OLA1: variants seen among roughly 807,000 people sequenced by gnomAD.
OLA1 encodes Obg like ATPase 1.
A neutral mutation model predicts 48.4 loss-of-function variants in OLA1; 14 were observed. The ratio of observed to expected loss-of-function variants is 0.29; its 90% CI spans 0.19 to 0.45. The LOEUF (loss-of-function observed/expected upper bound fraction) is 0.45, where lower values mean the gene tolerates loss of function less well. Ranked by LOEUF, OLA1 falls within the 20% of genes least tolerant of loss-of-function variation. OLA1 has a pLI of 1.00. For missense variants in OLA1, 325 were observed against 467.1 expected (o/e 0.70, Z 2.80); for synonymous variants, 127 against 150.4 (o/e 0.84, Z 1.14).
chr2:174,193,673 T>C (rs567946328), intron 4 of OLA1, among the ~76,000 whole-genome samples: 2 of 152,312 alleles, frequency 1.3e-5, no homozygotes, highest in East Asian at 1.9e-4. Flanking sequence ...TGTAGAAATA[T>C]CTTGTTTTTA....
intron 5 of OLA1, 64 bp from the exon 6 acceptor site, chr2:174,123,739 A>T: frequency 1.2e-6 from 1 of 809,608 alleles, no homozygotes; most frequent in Non-Finnish European, 1.8e-6. Context: ...ACTAAATATT[A>T]AAAAGTTTTC....
chr2:174,114,803 C>G (rs1171059928), intron 7 of OLA1, among the ~76,000 whole-genome samples: 1 of 152,124 alleles, frequency 6.6e-6, no homozygotes, highest in East Asian at 1.9e-4. Flanking sequence ...CATTCCTAAA[C>G]TAATATGCAG....
rs528829556 is a variant in OLA1, at chr2:174,184,309, T to C, written c.373+38724A>G. On this transcript the variant is annotated intron_variant, in intron 4 of 10. Coordinates refer to ENST00000284719, the MANE Select transcript of OLA1 (RefSeq NM_013341.5). ...AGGAAGATCACTAATGGCATGTAGT[T>C]ATCATGTACTCCAGGATATGATGTG... is the stretch of plus-strand genomic sequence containing the variant. 2.1e-4 allele frequency among the ~76,000 whole-genome samples: 32 copies of C among 152,324 alleles called. No individual in the cohort carries two copies. The South Asian group carries it at 6.4e-3, about 31-fold the overall frequency.
intron 4 of OLA1, among the ~76,000 whole-genome samples, chr2:174,192,687 A>C (rs1687798789): frequency 1.3e-5 from 2 of 152,206 alleles, no homozygotes; most frequent in South Asian, 4.1e-4. Flanking sequence ...GTCTACTGGC[A>C]ATGAATTCCT....
chr2:174,179,540 GA>G (rs1324223000), intron 4 of OLA1, among the ~76,000 whole-genome samples: 1 of 151,816 alleles, frequency 6.6e-6, no homozygotes, highest in Non-Finnish European at 1.5e-5. Context: ...TGAATTATCT[GA>G]AAAACAGAAA....
At chr2:174,144,951 AATATATATATATAT>A (rs71021672) in intron 4 of OLA1, among the ~76,000 whole-genome samples, 3 of 40,294 alleles carry the variant, frequency 7.4e-5, no homozygotes, top group African/African-American at 2.1e-4. Context: ...AAAAAAAAAA[AATATATATATATAT>A]ATATATATAT....
chr2:174,125,855 C>T lies in OLA1; in HGVS notation c.550-2180G>A, dbSNP rs149213812. 9.3e-4 allele frequency among the ~76,000 whole-genome samples: 142 copies of T among 152,198 alleles called. 1 individual carries two copies. In the East Asian group the frequency reaches 0.019, roughly 21 times the overall value. On this transcript the variant is annotated intron_variant, in intron 5 of 10. Transcript: ENST00000284719. ...CAAAGTTCTTGAACAGCACAGTATTCCTTAAAGCCACATTCAAATATTTTT... is the reference window on the plus strand; with the variant it reads ...CAAAGTTCTTGAACAGCACAGTATTTCTTAAAGCCACATTCAAATATTTTT...
intron 7 of OLA1, among the ~76,000 whole-genome samples, chr2:174,120,861 G>A (rs4349320): frequency 0.079 from 11,991 of 152,022 alleles, 1,757 homozygotes; most frequent in East Asian, 0.68. Context: ...TTTCTTGATG[G>A]TTTAAAATAG....
chr2:174,230,172 A>G (rs1688695615), intron 2 of OLA1, among the ~76,000 whole-genome samples: 1 of 152,210 alleles, frequency 6.6e-6, no homozygotes, highest in African/African-American at 2.4e-5. Flanking sequence ...ACACTTTATC[A>G]TTCATGTCTT....
intron 4 of OLA1, among the ~76,000 whole-genome samples, chr2:174,188,950 C>A (rs1452268180): frequency 6.6e-6 from 1 of 152,104 alleles, no homozygotes; most frequent in Non-Finnish European, 1.5e-5. Flanking sequence ...AAGAGATATT[C>A]ACCTTATATT....
intron 4 of OLA1, among the ~76,000 whole-genome samples, chr2:174,144,930 T>TA (rs71021671): frequency 3.6e-4 from 15 of 41,112 alleles, no homozygotes; most frequent in South Asian, 1.9e-3. Context: ...AGACCCTGTT[T>TA]AAAAAAAAAA....
chr2:174,147,659 C>A (rs1220986527), intron 4 of OLA1, among the ~76,000 whole-genome samples: 2 of 152,050 alleles, frequency 1.3e-5, no homozygotes, highest in Non-Finnish European at 2.9e-5. Context: ...TGTATAAAGT[C>A]ATTTCTCTCT....
At chr2:174,243,016 G>GT (rs908367236) in intron 2 of OLA1, among the ~76,000 whole-genome samples, 60 of 148,514 alleles carry the variant, frequency 4.0e-4, no homozygotes, top group Middle Eastern at 3.5e-3. Context: ...TGTTTTTGTT[G>GT]TTTTTTTTTT....
intron 4 of OLA1, among the ~76,000 whole-genome samples, chr2:174,190,201 T>C (rs1687744880): frequency 6.6e-6 from 1 of 152,200 alleles, no homozygotes; most frequent in Admixed American, 6.5e-5. Context: ...AGGAGGGACA[T>C]GGTAGATACA....
chr2:174,134,891 G>C (rs1686266914), intron 5 of OLA1, among the ~76,000 whole-genome samples: 1 of 152,222 alleles, frequency 6.6e-6, no homozygotes, highest in Non-Finnish European at 1.5e-5. Context: ...GCCGGGCGTG[G>C]TGGCTCATGC....
At chr2:174,139,675 G>A (rs565097569) in intron 5 of OLA1, among the ~76,000 whole-genome samples, 3 of 152,196 alleles carry the variant, frequency 2.0e-5, no homozygotes, top group South Asian at 2.1e-4. Context: ...CACCAGCCTG[G>A]CCAATACAAT....
chr2:174,226,198 CAA>C (rs532536178), intron 3 of OLA1, among the ~76,000 whole-genome samples: 1 of 83,584 alleles, frequency 1.2e-5, no homozygotes, highest in Non-Finnish European at 2.6e-5. Flanking sequence ...GACTCCGTCT[CAA>C]AAAAAAAAAA....
At chr2:174,124,039 A>C (rs1685984524) in intron 5 of OLA1, among the ~76,000 whole-genome samples, 3 of 152,242 alleles carry the variant, frequency 2.0e-5, no homozygotes, top group Admixed American at 2.0e-4. Context: ...GGATATACTG[A>C]AGAAAGACTA....
At chr2:174,184,310 A>T (rs1687606669) in intron 4 of OLA1, among the ~76,000 whole-genome samples, 1 of 152,198 alleles carries the variant, frequency 6.6e-6, no homozygotes, top group Non-Finnish European at 1.5e-5. Context: ...GCATGTAGTT[A>T]TCATGTACTC....
Sources: gnomAD v4.1 joint callset for allele counts (sites outside exome capture counted in the v4.1 genomes callset) on GRCh38, gnomAD v4.1.1 for gene constraint, MANE v1.5 for transcripts, NCBI Gene and HGNC (gene_info 2026-07-23, HGNC 2026-07-21) for gene names.